Variants in ATAD5 observed in about 807,000 individuals in gnomAD.
The protein encoded by ATAD5 is ATPase family AAA domain-containing protein 5.
ATAD5 carries 58 observed loss-of-function variants against 176.9 expected under a neutral mutation model. The ratio of observed to expected loss-of-function variants is 0.33; its 90% CI spans 0.27 to 0.41. ATAD5 has a LOEUF of 0.41. ATAD5 is among the 10% of genes least tolerant of loss of function. The probability of loss-of-function intolerance (pLI) is 1.00; values close to 1 mark genes in which losing one functional copy is unlikely to be tolerated. For synonymous variants in ATAD5, 640 were observed against 712.6 expected (o/e 0.90, Z 1.62); for missense variants, 1,789 against 2,094.1 (o/e 0.85, Z 2.84).
intron 19 of ATAD5, among the ~76,000 whole-genome samples, chr17:30,891,693 C>T (rs1384003885): frequency 6.8e-6 from 1 of 147,960 alleles, no homozygotes; most frequent in African/African-American, 2.5e-5. Flanking sequence ...TTTCTTTTTT[C>T]TTCCCCCTTT....
chr17:30,837,292 G>A lies in ATAD5; in HGVS notation c.2054G>A (p.Gly685Asp), dbSNP rs1204602882. 6.4e-7 allele frequency: 1 copy of A among 1,572,874 alleles called. No individual in the cohort carries two copies. Among genetic ancestry groups the A allele is most frequent in the Admixed American group, 1.9e-5 (1 of 51,488 alleles). Residue 685 changes from glycine (G) to aspartate (D), a missense_variant, in exon 3 of 23, where the codon GGT (glycine) becomes GAT (aspartate). Physicochemically the swap from Gly to Asp is moderately conservative, Grantham distance 94. This residue lies in a region of ATAD5 where 487 missense variants were observed against 573.6 expected (regional missense o/e 0.85). Coordinates refer to ENST00000321990, the MANE Select transcript of ATAD5 (RefSeq NM_024857.5). ...RSEKSEATDG[G>D]FTSQIRKASN... ...GAGAAATCTGAAGCAACTGATGGAG[G>A]TTTTACTTCTCAGATTAGAAAGGTA...
At chr17:30,869,803 A>G in intron 14 of ATAD5, 157 bp downstream of exon 14, 1 of 727,998 alleles carries the variant, frequency 1.4e-6, no homozygotes, top group Non-Finnish European at 2.2e-6. Context: ...AAATCTGAAG[A>G]CCATCATATC....
chr17:30,867,800 T>A (rs1412077839), intron 11 of ATAD5, among the ~76,000 whole-genome samples: 1 of 152,170 alleles, frequency 6.6e-6, no homozygotes, highest in Non-Finnish European at 1.5e-5. Flanking sequence ...GAGACAGGTT[T>A]CGCTGTGTTG....
intron 19 of ATAD5, 61 bp downstream of exon 19, chr17:30,887,433 A>G: frequency 1.4e-6 from 2 of 1,433,880 alleles, no homozygotes; most frequent in Non-Finnish European, 1.9e-6. Context: ...AATCTGTGCT[A>G]TGGCTGGGTG....
chr17:30,842,622 G>A (rs1236102509), intron 4 of ATAD5, among the ~76,000 whole-genome samples: 3 of 152,196 alleles, frequency 2.0e-5, no homozygotes, highest in East Asian at 1.9e-4. Flanking sequence ...TTTCTAGGAT[G>A]TACAGTTCCA....
chr17:30,846,448 G>T (rs1906510070), intron 6 of ATAD5, among the ~76,000 whole-genome samples: 1 of 150,156 alleles, frequency 6.7e-6, no homozygotes, highest in Non-Finnish European at 1.5e-5. Flanking sequence ...CTGTCACTAG[G>T]CTGGAGTGCA....
At chr17:30,852,269 G>T (rs1255584961) in intron 6 of ATAD5, among the ~76,000 whole-genome samples, 1 of 152,018 alleles carries the variant, frequency 6.6e-6, no homozygotes, top group African/African-American at 2.4e-5. Flanking sequence ...CTTCAGCTTG[G>T]TTTCTATGTC....
rs1366318078 is a variant in ATAD5 at position 30,872,146 on chromosome 17, C to T, written c.3607+2500C>T. The stretch of plus-strand genomic sequence containing the variant: ...GTCAGGCTAGTCTCAAACTCCTGGC[C>T]TCCAGCAGTCTTCCTGCCTTGGCCT... On this transcript the variant is annotated intron_variant, in intron 14 of 22. Transcript: ENST00000321990. 2.0e-5 allele frequency among the ~76,000 whole-genome samples: 3 copies of T among 152,108 alleles called. No individual in the cohort carries two copies. In the East Asian group the frequency reaches 5.8e-4, roughly 29 times the overall value.
chr17:30,842,221 A>G (rs992981171), intron 4 of ATAD5, among the ~76,000 whole-genome samples: 1 of 152,120 alleles, frequency 6.6e-6, no homozygotes, highest in African/African-American at 2.4e-5. Context: ...GTGAGCTGAG[A>G]CCACACCATT....
intron 4 of ATAD5, among the ~76,000 whole-genome samples, chr17:30,842,692 A>G (rs1168481723): frequency 6.6e-6 from 1 of 152,156 alleles, no homozygotes; most frequent in Non-Finnish European, 1.5e-5. Context: ...TTTGGAGTAC[A>G]GTCTGTTAGT....
chr17:30,851,704 T>C (rs1171280771), intron 6 of ATAD5, among the ~76,000 whole-genome samples: 3 of 152,020 alleles, frequency 2.0e-5, no homozygotes, highest in Admixed American at 6.6e-5. Flanking sequence ...TGCCTTAGCC[T>C]CCCAAGTAGC....
At position 30,861,025 on chromosome 17, in the gene ATAD5, G is replaced by C. The variant is rs150630921; in HGVS notation, c.3136+413G>C. 3.3e-3 allele frequency among the ~76,000 whole-genome samples: 497 copies of C among 151,572 alleles called. 1 individual carries two copies. The highest frequency in any genetic ancestry group is 4.7e-3 in the Non-Finnish European group (316 of 67,866). On this transcript the variant is annotated intron_variant, in intron 10 of 22. Transcript: ENST00000321990. The stretch of plus-strand genomic sequence containing the variant: ...AGACGGAATTGGCCAGGCTGGTCTC[G>C]AACTCCTGACCGCATTATTCACCCA...
At chr17:30,847,590 A>C (rs951686231) in intron 6 of ATAD5, among the ~76,000 whole-genome samples, 2 of 151,920 alleles carry the variant, frequency 1.3e-5, no homozygotes, top group Non-Finnish European at 2.9e-5. Context: ...TCGGCCTCCC[A>C]AAGTGCTGAG....
At chr17:30,891,142 A>G (rs60042107) in intron 19 of ATAD5, among the ~76,000 whole-genome samples, 1 of 152,314 alleles carries the variant, frequency 6.6e-6, no homozygotes, top group East Asian at 1.9e-4. Context: ...AACGGTGTAT[A>G]TACTTTACAT....
At chr17:30,833,173 AGTTTTT>A in intron 1 of ATAD5, among the ~76,000 whole-genome samples, 2 of 151,826 alleles carry the variant, frequency 1.3e-5, no homozygotes, top group Middle Eastern at 6.9e-3. Flanking sequence ...TTGTCTACTT[AGTTTTT>A]GTTTTTGTTT....
At chr17:30,885,623 C>CTTT (rs778733612) in intron 18 of ATAD5, among the ~76,000 whole-genome samples, 27 of 93,794 alleles carry the variant, frequency 2.9e-4, no homozygotes, top group South Asian at 3.6e-4. Flanking sequence ...TTCCAACTTT[C>CTTT]TTTTTTTTTT....
Position 30,892,644 on chromosome 17 carries a change from A to G in ATAD5, c.4296A>G (p.Glu1432=). 6.3e-7 allele frequency: 1 copy of G among 1,592,050 alleles called. No homozygotes were observed. Among genetic ancestry groups the G allele is most frequent in the Non-Finnish European group, 8.5e-7 (1 of 1,171,974 alleles). ...GAAATGTACAACTAGTTTGCTCTGA[A>G]CATGGCCTTGATAACAAAATTTACC... ...NSRNVQLVCS[E]HGLDNKIYPK... Residue 1432 remains glutamate (E), a synonymous_variant, in exon 20 of 23, where the codon GAA becomes GAG. Transcript: ENST00000321990.
In ATAD5 at chr17:30,848,957, G is replaced by A. The variant is rs371926608; in HGVS notation, c.2450+4041G>A. ...ATGATCTTGGCTCACTGCAGTCTCCGCCTTCCGGGTTCAAGTGATTCTTGT... is the reference window on the plus strand; with the variant it reads ...ATGATCTTGGCTCACTGCAGTCTCCACCTTCCGGGTTCAAGTGATTCTTGT... On this transcript the variant is annotated intron_variant, in intron 6 of 22. Coordinates refer to ENST00000321990, the MANE Select transcript of ATAD5 (RefSeq NM_024857.5). 3.8e-4 allele frequency among the ~76,000 whole-genome samples: 58 copies of A among 152,166 alleles called. 1 individual carries two copies. In the East Asian group the frequency reaches 6.0e-3, roughly 16 times the overall value.
At chr17:30,862,930 C>T (rs1030543169) in intron 10 of ATAD5, 2 of 151,988 alleles carry the variant, frequency 1.3e-5, no homozygotes, top group Admixed American at 6.6e-5. Context: ...ATGGCTCATC[C>T]CTATAATCCC....
Sources: gnomAD v4.1 joint callset for allele counts (sites outside exome capture counted in the v4.1 genomes callset) on GRCh38, gnomAD v4.1.1 for gene constraint, gnomAD v4.1.1 regional missense constraint, MANE v1.5 for transcripts, NCBI Gene and HGNC (gene_info 2026-07-23, HGNC 2026-07-21) for gene names.